STXBP5L: variants seen among roughly 807,000 people sequenced by gnomAD.
STXBP5L encodes the protein syntaxin binding protein 5L, also known as syntaxin-binding protein 5-like.
A neutral mutation model predicts 144.5 loss-of-function variants in STXBP5L; 65 were observed. That is an observed-to-expected ratio of 0.45 (90% CI 0.37 to 0.55). The LOEUF (loss-of-function observed/expected upper bound fraction) is 0.55, where lower values mean the gene tolerates loss of function less well. Ranked by LOEUF, STXBP5L falls within the 20% of genes least tolerant of loss-of-function variation. The pLI is 0.00. For synonymous variants in STXBP5L, 505 were observed against 469.6 expected, an observed-to-expected ratio of 1.08 and a Z score of -0.97; for missense variants, 1,298 against 1,405.5, an observed-to-expected ratio of 0.92 and a Z score of 1.22.
intron 18 of STXBP5L, among the ~76,000 whole-genome samples, chr3:121,261,932 G>C (rs2108393880): frequency 6.6e-6 from 1 of 152,274 alleles, no homozygotes; most frequent in South Asian, 2.1e-4. Flanking sequence ...AGTTCTGGAG[G>C]CTAGAAAGTC....
chr3:120,944,065 G>A (rs1296651149), intron 2 of STXBP5L, among the ~76,000 whole-genome samples: 3 of 151,498 alleles, frequency 2.0e-5, no homozygotes, highest in Non-Finnish European at 4.4e-5. Context: ...CATTTGTGTG[G>A]CAAAGTAAAA....
chr3:120,985,262 A>T (rs1166810023), intron 3 of STXBP5L, among the ~76,000 whole-genome samples: 1 of 152,070 alleles, frequency 6.6e-6, no homozygotes, highest in African/African-American at 2.4e-5. Context: ...AATGTTTGTT[A>T]TAATTCCTCT....
intron 2 of STXBP5L, among the ~76,000 whole-genome samples, chr3:120,926,192 A>AT (rs941264104): frequency 4.6e-5 from 7 of 151,100 alleles, no homozygotes; most frequent in East Asian, 1.9e-4. Flanking sequence ...TTGTAAGTTA[A>AT]TTTTTTTTTA....
intron 3 of STXBP5L, among the ~76,000 whole-genome samples, chr3:121,041,102 C>G (rs1333642917): frequency 1.3e-5 from 2 of 149,178 alleles, no homozygotes; most frequent in South Asian, 4.2e-4. Context: ...TTTTTTTTCT[C>G]TCTCTCTTAC....
intron 3 of STXBP5L, among the ~76,000 whole-genome samples, chr3:120,963,976 C>T (rs914164427): frequency 6.6e-6 from 1 of 152,086 alleles, no homozygotes; most frequent in African/African-American, 2.4e-5. Flanking sequence ...TTCAGAGATT[C>T]GACTTCTTCC....
intron 3 of STXBP5L, among the ~76,000 whole-genome samples, chr3:121,037,218 C>A (rs545546368): frequency 6.6e-6 from 1 of 151,646 alleles, no homozygotes; most frequent in Admixed American, 6.6e-5. Context: ...CAGAAGTGAG[C>A]CACCACACCT....
intron 19 of STXBP5L, among the ~76,000 whole-genome samples, chr3:121,301,973 T>C (rs908934224): frequency 2.0e-5 from 3 of 152,212 alleles, no homozygotes; most frequent in Non-Finnish European, 2.9e-5. Context: ...GATTTTTACA[T>C]TGATCTTCAT....
At chr3:121,022,459 A>T (rs897682093) in intron 3 of STXBP5L, among the ~76,000 whole-genome samples, 1 of 152,150 alleles carries the variant, frequency 6.6e-6, no homozygotes, top group Non-Finnish European at 1.5e-5. Flanking sequence ...CTTAAATAAA[A>T]AGTAAACTAT....
intron 9 of STXBP5L, among the ~76,000 whole-genome samples, chr3:121,197,548 A>G (rs562172735): frequency 6.6e-6 from 1 of 152,310 alleles, no homozygotes; most frequent in South Asian, 2.1e-4. Context: ...TAGGTTTGTT[A>G]CATAGGTATA....
chr3:121,121,016 C>T (rs2044435792), intron 6 of STXBP5L, among the ~76,000 whole-genome samples: 1 of 151,042 alleles, frequency 6.6e-6, no homozygotes, highest in East Asian at 1.9e-4. Flanking sequence ...ATAGAGAGAG[C>T]CCAGGTCTTT....
At chr3:121,177,118 A>G (rs989189207) in intron 9 of STXBP5L, among the ~76,000 whole-genome samples, 1 of 152,076 alleles carries the variant, frequency 6.6e-6, no homozygotes. Context: ...GGGTGGCATC[A>G]GAATTCTCAC....
At chr3:121,219,936 G>A (rs182309019) in intron 10 of STXBP5L, among the ~76,000 whole-genome samples, 37 of 152,108 alleles carry the variant, frequency 2.4e-4, no homozygotes, top group African/African-American at 8.7e-4. Flanking sequence ...GCCTTCATTG[G>A]AACAAACTTT....
intron 3 of STXBP5L, among the ~76,000 whole-genome samples, chr3:120,979,150 G>T (rs958538819): frequency 5.3e-5 from 8 of 152,234 alleles, no homozygotes; most frequent in Admixed American, 2.6e-4. Flanking sequence ...GCCACCAGAG[G>T]TGGAGCCTAC....
intron 18 of STXBP5L, among the ~76,000 whole-genome samples, chr3:121,271,314 C>T (rs1016131862): frequency 2.0e-5 from 3 of 152,084 alleles, no homozygotes; most frequent in Non-Finnish European, 4.4e-5. Context: ...CATATGGAAC[C>T]CCATCAAAAT....
chr3:121,396,486 A>G (rs914458370), intron 22 of STXBP5L, among the ~76,000 whole-genome samples: 2 of 152,234 alleles, frequency 1.3e-5, no homozygotes, highest in African/African-American at 4.8e-5. Flanking sequence ...CATGTAGCCC[A>G]AAGTGAAAAA....
chr3:121,055,777 A>G (rs1046304557), intron 5 of STXBP5L, among the ~76,000 whole-genome samples: 2 of 151,892 alleles, frequency 1.3e-5, no homozygotes, highest in African/African-American at 2.4e-5. Flanking sequence ...CTTGGCTCAC[A>G]CAACCTTGAA....
At chr3:121,215,473 G>T (rs1193251719) in intron 10 of STXBP5L, among the ~76,000 whole-genome samples, 1 of 152,114 alleles carries the variant, frequency 6.6e-6, no homozygotes, top group African/African-American at 2.4e-5. Context: ...GCTTAGTTTG[G>T]CTGGATATGA....
intron 3 of STXBP5L, among the ~76,000 whole-genome samples, chr3:121,034,372 GT>G (rs1946604836): frequency 6.6e-6 from 1 of 152,068 alleles, no homozygotes; most frequent in East Asian, 1.9e-4. Flanking sequence ...CCATCTATAA[GT>G]GAGACTGTAA....
intron 9 of STXBP5L, among the ~76,000 whole-genome samples, chr3:121,201,714 G>C (rs1488908366): frequency 6.6e-6 from 1 of 151,906 alleles, no homozygotes; most frequent in African/African-American, 2.4e-5. Context: ...AGACCTGGTG[G>C]TGACAATATC....
Sources: allele counts gnomAD v4.1 joint callset (sites outside exome capture counted in the v4.1 genomes callset), GRCh38; gene constraint gnomAD v4.1.1; transcripts MANE v1.5; gene names NCBI Gene and HGNC (gene_info 2026-07-23, HGNC 2026-07-21).